PECR: variants seen among roughly 807,000 people sequenced by gnomAD.
PECR encodes 2,4-dienoyl-CoA reductase-related protein.
A neutral mutation model predicts 35.3 loss-of-function variants in PECR; 30 were observed. The ratio of observed to expected loss-of-function variants is 0.85; its 90% CI spans 0.64 to 1.15. The LOEUF is 1.15. Ranked by LOEUF, PECR falls within the 50% of genes most tolerant of loss-of-function variation. The probability of loss-of-function intolerance (pLI) is 0.00; values close to 1 mark genes in which losing one functional copy is unlikely to be tolerated. For synonymous variants in PECR, 148 were observed against 138.9 expected, an observed-to-expected ratio of 1.07 and a Z score of -0.46; for missense variants, 392 against 370.8, an observed-to-expected ratio of 1.06 and a Z score of -0.47.
chr2:216,074,493 AAAGGAAGGAAGGAAGG>A (rs751542181), intron 1 of PECR, among the ~76,000 whole-genome samples: 6,128 of 133,062 alleles, frequency 0.046, 467 homozygotes, highest in African/African-American at 0.16. Context: ...AGAAAGAAAA[AAAGGAAGGAAGGAAGG>A]AAGGAAGGAA....
At chr2:216,046,304 A>T (rs1346764402) in intron 6 of PECR, among the ~76,000 whole-genome samples, 166 of 115,046 alleles carry the variant, frequency 1.4e-3, no homozygotes, top group African/African-American at 6.3e-3. Context: ...ATATATATAT[A>T]TATATATTTT....
downstream of PECR, among the ~76,000 whole-genome samples, chr2:216,034,818 A>T (rs1002024118): frequency 1.3e-5 from 2 of 152,168 alleles, no homozygotes; most frequent in Non-Finnish European, 2.9e-5. Flanking sequence ...CTCATGGAAG[A>T]GGTGTAGAAC....
chr2:216,076,098 C>A (rs1171601892), intron 1 of PECR, among the ~76,000 whole-genome samples: 1 of 152,102 alleles, frequency 6.6e-6, no homozygotes, highest in African/African-American at 2.4e-5. Context: ...CTTTCTGTGT[C>A]CTCTCAGAAA....
At chr2:216,029,921 C>G (rs1042433681) in intron 7 of PECR, among the ~76,000 whole-genome samples, 1 of 152,154 alleles carries the variant, frequency 6.6e-6, no homozygotes, top group South Asian at 2.1e-4. Context: ...ATGGCTGAGT[C>G]GTATCTCTTA....
chr2:216,066,075 T>C (rs182913706), intron 2 of PECR, among the ~76,000 whole-genome samples: 221 of 152,236 alleles, frequency 1.5e-3, no homozygotes, highest in African/African-American at 4.8e-3. Flanking sequence ...AGTGAGCCGA[T>C]ATAGTGCCAC....
chr2:216,039,418 C>G, intron 7 of PECR, 58 bp from the exon 8 acceptor site: 1 of 899,074 alleles, frequency 1.1e-6, no homozygotes, highest in South Asian at 1.3e-5. Flanking sequence ...CCTCTTCACT[C>G]CCACCAAATC....
At position 216,074,807 on chromosome 2, in the gene PECR, T is replaced by C. The variant is rs115151086; in HGVS notation, c.124+6811A>G. Among the ~76,000 whole-genome samples, 751 of 152,292 alleles carry C rather than the reference T, an allele frequency of 4.9e-3. 3 individuals carry two copies. Among genetic ancestry groups the C allele is most frequent in the Non-Finnish European group, 8.9e-3 (604 of 68,020 alleles). On this transcript the variant is annotated intron_variant, in intron 1 of 7. Transcript: ENST00000265322. ...TACTTTCACTGCTAGAACTTTCCACTATAGACAAACTTGAACTAGGGTGCA... is the reference window on the plus strand; with the variant it reads ...TACTTTCACTGCTAGAACTTTCCACCATAGACAAACTTGAACTAGGGTGCA...
At chr2:216,055,970 C>T (rs777005789) in intron 4 of PECR, among the ~76,000 whole-genome samples, 15 of 152,128 alleles carry the variant, frequency 9.9e-5, no homozygotes, top group East Asian at 9.6e-4. Context: ...TCACCAAACT[C>T]GAGTTCACCT....
intron 3 of PECR, among the ~76,000 whole-genome samples, chr2:216,064,755 GA>G (rs1190536132): frequency 1.3e-5 from 2 of 152,180 alleles, no homozygotes; most frequent in Non-Finnish European, 2.9e-5. Flanking sequence ...ATGTTGGCAT[GA>G]AGACCCTTTG....
rs116036669 is a variant in PECR, at chr2:216,069,195, C to T, written c.125-2677G>A. Among the ~76,000 whole-genome samples the T allele has an allele frequency of 4.9e-3, 745 of 152,320 alleles. 8 individuals are homozygous for T. The highest frequency in any genetic ancestry group is 0.017 in the African/African-American group (701 of 41,556). Reference sequence around the variant, plus strand: ...AATGCAAACTTTACTGCTAGCTTTTCAACCCACAAATCATAAATAACAGAT... The same window carrying T: ...AATGCAAACTTTACTGCTAGCTTTTTAACCCACAAATCATAAATAACAGAT... On this transcript the variant is annotated intron_variant, in intron 1 of 7. Transcript: ENST00000265322.
downstream of PECR, chr2:216,033,962 C>G (rs927121719): frequency 6.6e-6 from 1 of 152,180 alleles, no homozygotes. Context: ...CGTAGCATAC[C>G]TTTCCTGAAT....
At chr2:216,038,376 C>G (rs1030929275), downstream of PECR, 15 of 152,128 alleles carry the variant, frequency 9.9e-5, no homozygotes, top group African/African-American at 3.6e-4. Flanking sequence ...ACAAATCAGG[C>G]ACTGCCAAAA....
intron 1 of PECR, among the ~76,000 whole-genome samples, chr2:216,079,654 A>G (rs921529947): frequency 6.8e-6 from 1 of 147,890 alleles, no homozygotes; most frequent in Non-Finnish European, 1.5e-5. Flanking sequence ...GGCATGAGCC[A>G]CCGTGCCCGG....
chr2:216,047,094 CCT>C (rs937341394), intron 6 of PECR, among the ~76,000 whole-genome samples: 1 of 151,910 alleles, frequency 6.6e-6, no homozygotes, highest in African/African-American at 2.4e-5. Flanking sequence ...ATGAAGAAAC[CCT>C]GTCTCTACAA....
At chr2:216,065,088 CTCA>C (rs1479350826) in intron 3 of PECR, 1 of 565,382 alleles carries the variant, frequency 1.8e-6, no homozygotes, top group African/African-American at 1.9e-5. Context: ...TAATAATTTT[CTCA>C]TAATAAATTC....
chr2:216,069,947 A>G (rs1695554606), intron 1 of PECR, among the ~76,000 whole-genome samples: 1 of 152,026 alleles, frequency 6.6e-6, no homozygotes, highest in Admixed American at 6.6e-5. Context: ...AAAAAAAAAA[A>G]AAAAAGAAAC....
At chr2:216,074,764 C>T (rs529575365) in intron 1 of PECR, among the ~76,000 whole-genome samples, 1 of 152,336 alleles carries the variant, frequency 6.6e-6, no homozygotes, top group South Asian at 2.1e-4. Context: ...CACTGAAATA[C>T]AACTTTACAA....
chr2:216,043,001 ATGTG>A (rs1223886685), intron 7 of PECR, among the ~76,000 whole-genome samples: 1 of 119,020 alleles, frequency 8.4e-6, no homozygotes, highest in African/African-American at 3.1e-5. Context: ...ACATACGTAT[ATGTG>A]TATATATATA....
intron 5 of PECR, among the ~76,000 whole-genome samples, chr2:216,050,338 G>C (rs1182462650): frequency 6.6e-6 from 1 of 152,146 alleles, no homozygotes. Flanking sequence ...TAGAAAATGT[G>C]GCAGTTTTAA....
Sources: gnomAD v4.1 joint callset for allele counts (sites outside exome capture counted in the v4.1 genomes callset) on GRCh38, gnomAD v4.1.1 for gene constraint, MANE v1.5 for transcripts, NCBI Gene and HGNC (gene_info 2026-07-23, HGNC 2026-07-21) for gene names.